Variants in NAV2 observed in about 807,000 individuals in gnomAD.
NAV2 encodes neuron navigator 2.
NAV2 carries 54 observed loss-of-function variants against 223.2 expected under a neutral mutation model. That is an observed-to-expected ratio of 0.24 (90% CI 0.19 to 0.30). NAV2 has a LOEUF of 0.30. Ranked by LOEUF, NAV2 falls within the 10% of genes least tolerant of loss-of-function variation. The pLI, the probability that NAV2 is intolerant of heterozygous loss-of-function variation, is 1.00. For synonymous variants in NAV2, 1,279 were observed against 1,239.3 expected (o/e 1.03, Z -0.67); for missense variants, 2,806 against 3,147.5 (o/e 0.89, Z 2.60).
At chr11:19,505,952 A>T (rs1038770524) in intron 1 of NAV2, 2 of 152,236 alleles carry the variant, frequency 1.3e-5, no homozygotes, top group Non-Finnish European at 2.9e-5. Flanking sequence ...ATTATGTCAC[A>T]AACAGCCATG....
intron 6 of NAV2, among the ~76,000 whole-genome samples, chr11:19,912,349 G>T (rs1038677746): frequency 6.6e-6 from 1 of 152,196 alleles, no homozygotes; most frequent in African/African-American, 2.4e-5. Flanking sequence ...CCACAGCTTT[G>T]AGCAAATGTT....
chr11:19,556,761 G>A (rs1565047053), intron 1 of NAV2, among the ~76,000 whole-genome samples: 1 of 152,132 alleles, frequency 6.6e-6, no homozygotes, highest in Non-Finnish European at 1.5e-5. Context: ...CTAAAATGTG[G>A]TATAAAAATG....
At chr11:19,927,491 A>C (rs1029975119) in intron 6 of NAV2, among the ~76,000 whole-genome samples, 4 of 152,240 alleles carry the variant, frequency 2.6e-5, no homozygotes, top group Non-Finnish European at 5.9e-5. Flanking sequence ...CTGAGGCAGC[A>C]GACTTGCCTG....
intron 1 of NAV2, among the ~76,000 whole-genome samples, chr11:19,416,198 A>G (rs1054546598): frequency 1.3e-5 from 2 of 152,214 alleles, no homozygotes; most frequent in African/African-American, 2.4e-5. Flanking sequence ...AGAAAACCCC[A>G]TTGTCTCAGC....
At chr11:19,937,124 C>T (rs139206586) in intron 7 of NAV2, among the ~76,000 whole-genome samples, 4 of 152,076 alleles carry the variant, frequency 2.6e-5, no homozygotes, top group Non-Finnish European at 2.9e-5. Context: ...GGCAACAGAA[C>T]GAGACTGTCT....
At chr11:19,545,686 C>T (rs963275683) in intron 1 of NAV2, among the ~76,000 whole-genome samples, 27 of 152,290 alleles carry the variant, frequency 1.8e-4, no homozygotes, top group African/African-American at 5.1e-4. Flanking sequence ...TTGTCCAACC[C>T]GCGGCCCAGG....
intron 1 of NAV2, among the ~76,000 whole-genome samples, chr11:19,354,901 G>T (rs1853527482): frequency 6.6e-6 from 1 of 152,102 alleles, no homozygotes; most frequent in African/African-American, 2.4e-5. Flanking sequence ...AGCTCTCAAA[G>T]CTCCTCCCTA....
chr11:19,603,171 C>T (rs1397240675), intron 1 of NAV2, among the ~76,000 whole-genome samples: 2 of 152,078 alleles, frequency 1.3e-5, no homozygotes, highest in East Asian at 1.9e-4. Context: ...TGGTGGTTCT[C>T]GAGTGACAGA....
intron 1 of NAV2, among the ~76,000 whole-genome samples, chr11:19,458,443 C>G (rs1564952330): frequency 6.6e-6 from 1 of 152,254 alleles, no homozygotes; most frequent in Non-Finnish European, 1.5e-5. Flanking sequence ...AAAGTCTAGC[C>G]ATGCATATGC....
intron 1 of NAV2, among the ~76,000 whole-genome samples, chr11:19,585,841 C>T (rs961282864): frequency 7.2e-5 from 11 of 152,112 alleles, no homozygotes; most frequent in African/African-American, 4.8e-5. Flanking sequence ...CTTTGGTGAA[C>T]CTGACAATTA....
chr11:19,936,161 G>A (rs927723461), intron 7 of NAV2, among the ~76,000 whole-genome samples: 9 of 151,564 alleles, frequency 5.9e-5, no homozygotes, highest in African/African-American at 1.2e-4. Context: ...GAGCCACCGC[G>A]CCCAGCCATG....
At chr11:19,897,014 A>G (rs1435842670) in intron 6 of NAV2, among the ~76,000 whole-genome samples, 1 of 152,134 alleles carries the variant, frequency 6.6e-6, no homozygotes, top group Non-Finnish European at 1.5e-5. Flanking sequence ...CTGGATTAAG[A>G]AAATGTGGCA....
At chr11:19,887,147 T>C (rs540082929) in intron 5 of NAV2, among the ~76,000 whole-genome samples, 1 of 152,094 alleles carries the variant, frequency 6.6e-6, no homozygotes, top group African/African-American at 2.4e-5. Context: ...AGGTCTCCTG[T>C]TGGAGACCAA....
chr11:19,753,607 G>A (rs76014914), intron 1 of NAV2, among the ~76,000 whole-genome samples: 10,982 of 152,180 alleles, frequency 0.072, 504 homozygotes, highest in Non-Finnish European at 0.094. Context: ...TCTGCTCATT[G>A]GTCTCCCCCT....
chr11:19,768,676 C>G (rs1381183210), intron 1 of NAV2, among the ~76,000 whole-genome samples: 1 of 152,130 alleles, frequency 6.6e-6, no homozygotes, highest in African/African-American at 2.4e-5. Context: ...CGCAGAAAGG[C>G]ACAGAAGCTT....
chr11:19,821,547 C>G (rs368461908), intron 1 of NAV2, among the ~76,000 whole-genome samples: 132 of 152,280 alleles, frequency 8.7e-4, no homozygotes, highest in African/African-American at 2.9e-3. Flanking sequence ...TGCATGGGGT[C>G]CCAGATCAGC....
At chr11:19,455,323 G>A in intron 1 of NAV2, among the ~76,000 whole-genome samples, 1 of 152,192 alleles carries the variant, frequency 6.6e-6, no homozygotes, top group East Asian at 1.9e-4. Context: ...CCAGCTTGGA[G>A]TCTGTTTACC....
intron 1 of NAV2, among the ~76,000 whole-genome samples, chr11:19,473,005 G>A (rs2042010102): frequency 6.6e-6 from 1 of 152,154 alleles, no homozygotes; most frequent in African/African-American, 2.4e-5. Context: ...GAGGATCCAT[G>A]GGAACTTCCC....
intron 35 of NAV2, among the ~76,000 whole-genome samples, chr11:20,106,967 A>T (rs116769191): frequency 5.8e-4 from 83 of 143,660 alleles, no homozygotes; most frequent in African/African-American, 2.1e-3. Context: ...TTTAAAAATT[A>T]TTTTTAAAGG....
Sources: gnomAD v4.1 joint callset for allele counts (sites outside exome capture counted in the v4.1 genomes callset) on GRCh38, gnomAD v4.1.1 for gene constraint, MANE v1.5 for transcripts, NCBI Gene and HGNC (gene_info 2026-07-23, HGNC 2026-07-21) for gene names.